Variants in ZFHX3 observed in about 807,000 individuals in gnomAD.
ZFHX3 encodes the protein zinc finger homeobox protein 3.
In ZFHX3, 42 loss-of-function variants were observed where a neutral mutation model predicts 279.1. The observed-to-expected ratio is 0.15, with a 90% CI of 0.12 to 0.19. The LOEUF (loss-of-function observed/expected upper bound fraction) is 0.19. Among genes scored for constraint, ZFHX3 ranks in the 10% least tolerant of loss-of-function variants. The pLI, the probability that ZFHX3 is intolerant of heterozygous loss-of-function variation, is 1.00. For missense variants in ZFHX3, 4,981 were observed against 4,754.0 expected, an observed-to-expected ratio of 1.05 and a Z score of -1.40; for synonymous variants, 2,293 against 1,957.8, an observed-to-expected ratio of 1.17 and a Z score of -4.52.
chr16:72,968,911 T>C (rs1412707129), intron 1 of ZFHX3, among the ~76,000 whole-genome samples: 1 of 152,212 alleles, frequency 6.6e-6, no homozygotes, highest in Non-Finnish European at 1.5e-5. Context: ...TGTAAGTGTG[T>C]GTATGTGTAT....
intron 5 of ZFHX3, among the ~76,000 whole-genome samples, chr16:73,168,279 C>CTTTCTTTT (rs1555502322): frequency 3.2e-4 from 46 of 143,646 alleles, no homozygotes; most frequent in African/African-American, 1.2e-3. Flanking sequence ...TTCTTTCTTT[C>CTTTCTTTT]GAGACAAAGT....
intron 8 of ZFHX3, among the ~76,000 whole-genome samples, chr16:73,076,135 A>T (rs1044661135): frequency 6.6e-6 from 1 of 152,206 alleles, no homozygotes; most frequent in Non-Finnish European, 1.5e-5. Context: ...GCAGGTATAA[A>T]GTGTCTAGCA....
chr16:72,968,139 A>G (rs1262906725), intron 1 of ZFHX3, among the ~76,000 whole-genome samples: 3 of 152,102 alleles, frequency 2.0e-5, no homozygotes, highest in Non-Finnish European at 4.4e-5. Context: ...GGTAGGATAC[A>G]CCGAGAGGAA....
chr16:73,206,983 A>C (rs564763201), intron 5 of ZFHX3, among the ~76,000 whole-genome samples: 4 of 151,924 alleles, frequency 2.6e-5, no homozygotes, highest in African/African-American at 9.7e-5. Context: ...ACGCCACTGC[A>C]CTCCAGCCTG....
At chr16:72,984,199 A>G (rs1170918042) in intron 1 of ZFHX3, among the ~76,000 whole-genome samples, 2 of 152,178 alleles carry the variant, frequency 1.3e-5, no homozygotes, top group Admixed American at 1.3e-4. Flanking sequence ...TAAGCAAGCC[A>G]CAGGCTGCAG....
chr16:73,091,206 G>A (rs1398469529), intron 8 of ZFHX3, among the ~76,000 whole-genome samples: 9 of 145,876 alleles, frequency 6.2e-5, no homozygotes, highest in East Asian at 4.0e-4. Context: ...GTGAGACTCC[G>A]TCTCGGAAAA....
At chr16:73,138,321 G>A (rs1240254696) in intron 6 of ZFHX3, among the ~76,000 whole-genome samples, 1 of 152,074 alleles carries the variant, frequency 6.6e-6, no homozygotes, top group Non-Finnish European at 1.5e-5. Context: ...GTTAATCAAC[G>A]TTTGGGCCCT....
At chr16:73,148,979 C>T (rs1405837623) in intron 5 of ZFHX3, among the ~76,000 whole-genome samples, 3 of 150,760 alleles carry the variant, frequency 2.0e-5, no homozygotes, top group Non-Finnish European at 4.4e-5. Context: ...GTATTTGCTT[C>T]ACAATTTGTT....
At chr16:73,261,921 C>A (rs1280433716) in intron 4 of ZFHX3, among the ~76,000 whole-genome samples, 1 of 152,048 alleles carries the variant, frequency 6.6e-6, no homozygotes, top group Non-Finnish European at 1.5e-5. Flanking sequence ...GTGATCCACC[C>A]ACCTTGGTCT....
At chr16:73,656,108 A>T (rs369965435) in intron 2 of ZFHX3, among the ~76,000 whole-genome samples, 4 of 152,280 alleles carry the variant, frequency 2.6e-5, no homozygotes, top group African/African-American at 7.2e-5. Flanking sequence ...CCCAAATTTG[A>T]TCTGTTTTTG....
chr16:73,105,341 GTATA>G (rs59245170), intron 7 of ZFHX3, among the ~76,000 whole-genome samples: 5 of 109,632 alleles, frequency 4.6e-5, no homozygotes, highest in African/African-American at 1.6e-4. Context: ...ACACACGTGT[GTATA>G]TATATATACA....
rs980658587 is a variant in ZFHX3, at chr16:73,393,981, A to G, written c.-1291+62022T>C. Reference sequence around the variant, plus strand: ...ATTATAAAGTATATATATCATATATATCATATATGTGATATATGTATACAT... The same window carrying G: ...ATTATAAAGTATATATATCATATATGTCATATATGTGATATATGTATACAT... On this transcript the variant is annotated intron_variant, in intron 3 of 17. Transcript: ENST00000641206. 3.4e-5 allele frequency among the ~76,000 whole-genome samples: 5 copies of G among 147,614 alleles called. No homozygotes were observed. The East Asian group carries it at 9.7e-4, about 29-fold the overall frequency.
intron 4 of ZFHX3, among the ~76,000 whole-genome samples, chr16:72,867,538 T>C (rs979970620): frequency 6.6e-6 from 1 of 152,184 alleles, no homozygotes; most frequent in Non-Finnish European, 1.5e-5. Flanking sequence ...CTAACGTTAA[T>C]ACCCTCATGG....
chr16:73,803,294 G>A (rs1334343292), intron 1 of ZFHX3, among the ~76,000 whole-genome samples: 3 of 152,300 alleles, frequency 2.0e-5, no homozygotes, highest in Non-Finnish European at 2.9e-5. Context: ...CATCAGTGTT[G>A]AGGTATGTTC....
chr16:73,495,403 T>C (rs896781092), intron 2 of ZFHX3, among the ~76,000 whole-genome samples: 2 of 152,076 alleles, frequency 1.3e-5, no homozygotes, highest in African/African-American at 4.8e-5. Context: ...ACGAAAGAAA[T>C]TGGTGCACAT....
chr16:73,831,257 A>C (rs1432154837), intron 1 of ZFHX3, among the ~76,000 whole-genome samples: 2 of 152,184 alleles, frequency 1.3e-5, no homozygotes, highest in African/African-American at 4.8e-5. Context: ...GCATCCCTGA[A>C]AGCAAAGTCC....
chr16:73,511,925 A>T (rs984305848), intron 2 of ZFHX3, among the ~76,000 whole-genome samples: 3 of 152,054 alleles, frequency 2.0e-5, no homozygotes, highest in Non-Finnish European at 2.9e-5. Flanking sequence ...ACCTAGACTC[A>T]CCTGCAAATA....
chr16:73,503,458 T>A (rs998718592), intron 2 of ZFHX3, among the ~76,000 whole-genome samples: 6 of 152,028 alleles, frequency 3.9e-5, no homozygotes, highest in African/African-American at 9.6e-5. Flanking sequence ...GCAAAAGGAG[T>A]TGACCGCACG....
At chr16:72,992,513 C>G (rs556640199) in intron 1 of ZFHX3, among the ~76,000 whole-genome samples, 1 of 152,142 alleles carries the variant, frequency 6.6e-6, no homozygotes, top group Non-Finnish European at 1.5e-5. Flanking sequence ...TAACTATGCT[C>G]GGCCAAGATT....
Sources: allele counts gnomAD v4.1 joint callset (sites outside exome capture counted in the v4.1 genomes callset), GRCh38; gene constraint gnomAD v4.1.1; transcripts MANE v1.5; gene names NCBI Gene and HGNC (gene_info 2026-07-23, HGNC 2026-07-21).